Variants in TAFA5 observed in about 807,000 individuals in gnomAD.
The protein encoded by TAFA5 is chemokine-like protein TAFA-5.
In TAFA5, 6 loss-of-function variants were observed where a neutral mutation model predicts 15.3. The observed-to-expected ratio is 0.39, with a 90% CI of 0.21 to 0.77. The LOEUF (loss-of-function observed/expected upper bound fraction) is 0.77. TAFA5 is among the 30% of genes least tolerant of loss of function. TAFA5 has a pLI of 0.41. For synonymous variants in TAFA5, 103 were observed against 80.7 expected (o/e 1.28, Z -1.48); for missense variants, 161 against 193.1 (o/e 0.83, Z 0.98).
At chr22:48,651,345 G>T (rs139958399) in intron 2 of TAFA5, among the ~76,000 whole-genome samples, 174 of 152,376 alleles carry the variant, frequency 1.1e-3, no homozygotes, top group African/African-American at 4.0e-3. Flanking sequence ...TGGCCACTGG[G>T]AGGTGCAGGA....
intron 1 of TAFA5, among the ~76,000 whole-genome samples, chr22:48,548,311 T>C (rs2147124889): frequency 6.6e-6 from 1 of 152,278 alleles, no homozygotes; most frequent in Non-Finnish European, 1.5e-5. Context: ...CCTCTCTGGG[T>C]CATCATCTCC....
At chr22:48,667,458 G>T (rs1056092803) in intron 2 of TAFA5, among the ~76,000 whole-genome samples, 15 of 151,604 alleles carry the variant, frequency 9.9e-5, no homozygotes, top group South Asian at 6.2e-4. Flanking sequence ...ATCAATATTT[G>T]CAGTCTTATC....
intron 3 of TAFA5, among the ~76,000 whole-genome samples, chr22:48,708,722 C>A (rs56183077): frequency 0.13 from 19,872 of 152,238 alleles, 1,723 homozygotes; most frequent in Non-Finnish European, 0.19. Flanking sequence ...CCGGGCTCCA[C>A]GCTCTGGGAA....
intron 1 of TAFA5, chr22:48,543,290 A>G (rs547488191): frequency 6.6e-6 from 1 of 152,172 alleles, no homozygotes; most frequent in Non-Finnish European, 1.5e-5. Context: ...GTTTTTTGCA[A>G]TAACATTTGT....
At chr22:48,513,523 C>T (rs1226700199) in intron 1 of TAFA5, among the ~76,000 whole-genome samples, 1 of 152,228 alleles carries the variant, frequency 6.6e-6, no homozygotes, top group Non-Finnish European at 1.5e-5. Flanking sequence ...CTTCTAACTG[C>T]AGTGTGACCA....
chr22:48,710,560 G>A (rs1357333721), intron 3 of TAFA5, among the ~76,000 whole-genome samples: 3 of 152,188 alleles, frequency 2.0e-5, no homozygotes, highest in African/African-American at 4.8e-5. Flanking sequence ...TGCCGCGTCC[G>A]TCCAGGTCTG....
intron 2 of TAFA5, among the ~76,000 whole-genome samples, chr22:48,692,913 C>G (rs548225218): frequency 7.9e-5 from 12 of 152,344 alleles, no homozygotes; most frequent in Non-Finnish European, 1.8e-4. Context: ...CAGGCCACCT[C>G]AGGGATGGGG....
intron 3 of TAFA5, among the ~76,000 whole-genome samples, chr22:48,734,439 C>T (rs901378302): frequency 6.6e-6 from 1 of 152,200 alleles, no homozygotes; most frequent in Admixed American, 6.5e-5. Flanking sequence ...CAGTCTCGGG[C>T]GTCAAAGACT....
rs534543546 is a variant in TAFA5, at chr22:48,584,098, C to T, written c.113-62499C>T. 1.6e-4 allele frequency among the ~76,000 whole-genome samples: 24 copies of T among 146,682 alleles called. 2 individuals carry two copies. The South Asian group carries it at 4.2e-3, about 26-fold the overall frequency. On this transcript the variant is annotated intron_variant, in intron 1 of 3. Coordinates refer to ENST00000402357, the MANE Select transcript of TAFA5 (RefSeq NM_001082967.3). ...CACACACCACTCACAAAATATATCA[C>T]ACACACACACCACACACACACACCA...
In TAFA5 at chr22:48,650,747, A is replaced by G. The variant is rs182289434; in HGVS notation, c.262+4001A>G. Among the ~76,000 whole-genome samples the G allele has an allele frequency of 4.6e-4, 70 of 152,074 alleles. 1 individual carries two copies. The East Asian group carries it at 9.3e-3, about 20-fold the overall frequency. On this transcript the variant is annotated intron_variant, in intron 2 of 3. Transcript: ENST00000402357. Reference sequence around the variant, plus strand: ...CCATCAGTGAAAGATTCAAACACAAACCAGCCACGCACTGTGGCGCTTTCC... The same window carrying G: ...CCATCAGTGAAAGATTCAAACACAAGCCAGCCACGCACTGTGGCGCTTTCC...
intron 1 of TAFA5, among the ~76,000 whole-genome samples, chr22:48,553,982 G>A (rs953693153): frequency 7.2e-5 from 11 of 152,218 alleles, no homozygotes; most frequent in African/African-American, 1.9e-4. Context: ...AAGAAGATAC[G>A]GAAATTCCCC....
intron 1 of TAFA5, chr22:48,544,451 G>A (rs1300440299): frequency 2.3e-5 from 8 of 348,846 alleles, no homozygotes; most frequent in Non-Finnish European, 4.0e-5. Flanking sequence ...CCCTCGAGGT[G>A]ACATCTGACA....
intron 1 of TAFA5, among the ~76,000 whole-genome samples, chr22:48,615,284 C>T (rs1925558296): frequency 6.6e-6 from 1 of 152,184 alleles, no homozygotes; most frequent in Non-Finnish European, 1.5e-5. Context: ...TGATGAAAAG[C>T]ACTCGTATCT....
At chr22:48,641,554 C>G (rs1443037038) in intron 1 of TAFA5, among the ~76,000 whole-genome samples, 1 of 149,530 alleles carries the variant, frequency 6.7e-6, no homozygotes, top group African/African-American at 2.5e-5. Flanking sequence ...CCCTCGCACA[C>G]GATGCCCTCC....
At chr22:48,684,287 G>T (rs963624906) in intron 2 of TAFA5, among the ~76,000 whole-genome samples, 1 of 152,034 alleles carries the variant, frequency 6.6e-6, no homozygotes, top group Admixed American at 6.6e-5. Flanking sequence ...GAGGCTTTGT[G>T]GGGTAGAGGG....
Position 48,723,671 on chromosome 22 carries a change from G to C in TAFA5, c.390+15827G>C, listed in dbSNP as rs553786406. 1.3e-4 allele frequency among the ~76,000 whole-genome samples: 20 copies of C among 152,336 alleles called. No homozygotes were observed. The South Asian group carries it at 4.1e-3, about 32-fold the overall frequency. The stretch of plus-strand genomic sequence containing the variant: ...TCTGCGTGCTAGGGTGGGAGACCTT[G>C]TGGAAGTCAGTTTATCTTTAGAGTT... On this transcript the variant is annotated intron_variant, in intron 3 of 3. Transcript: ENST00000402357.
intron 3 of TAFA5, among the ~76,000 whole-genome samples, chr22:48,728,905 G>A (rs1021308537): frequency 6.6e-6 from 1 of 152,208 alleles, no homozygotes; most frequent in African/African-American, 2.4e-5. Context: ...AAAGGAGGAA[G>A]CAGATTACTA....
At chr22:48,700,061 C>A (rs1054142428) in intron 2 of TAFA5, among the ~76,000 whole-genome samples, 3 of 152,014 alleles carry the variant, frequency 2.0e-5, no homozygotes, top group Non-Finnish European at 4.4e-5. Flanking sequence ...ACACACACAC[C>A]CCACCTCACA....
At chr22:48,641,836 A>G (rs1926692184) in intron 1 of TAFA5, among the ~76,000 whole-genome samples, 1 of 152,078 alleles carries the variant, frequency 6.6e-6, no homozygotes, top group Non-Finnish European at 1.5e-5. Flanking sequence ...TTGGCACTGG[A>G]GAAGGAATTG....
Sources: gnomAD v4.1 joint callset for allele counts (sites outside exome capture counted in the v4.1 genomes callset) on GRCh38, gnomAD v4.1.1 for gene constraint, MANE v1.5 for transcripts, NCBI Gene and HGNC (gene_info 2026-07-23, HGNC 2026-07-21) for gene names.